Variants in SAE1 observed in about 807,000 individuals in gnomAD.
The protein encoded by SAE1 is SUMO-activating enzyme subunit 1.
SAE1 carries 11 observed loss-of-function variants against 40.6 expected under a neutral mutation model. The observed-to-expected ratio is 0.27, with a 90% CI of 0.17 to 0.45. The LOEUF (loss-of-function observed/expected upper bound fraction) is 0.45. Among genes scored for constraint, SAE1 ranks in the 20% least tolerant of loss-of-function variants. SAE1 has a pLI of 1.00. For synonymous variants in SAE1, 155 were observed against 154.3 expected (o/e 1.00, Z -0.03); for missense variants, 373 against 427.3 (o/e 0.87, Z 1.12).
chr19:47,191,803 C>G (rs1418949040), intron 6 of SAE1, among the ~76,000 whole-genome samples: 2 of 152,016 alleles, frequency 1.3e-5, no homozygotes, highest in East Asian at 3.9e-4. Context: ...CACCTGTAAT[C>G]CCAGCACTTT....
chr19:47,170,253 C>T (rs1341536876), intron 6 of SAE1, among the ~76,000 whole-genome samples: 1 of 151,818 alleles, frequency 6.6e-6, no homozygotes, highest in African/African-American at 2.4e-5. Context: ...TGCTCTGTCA[C>T]CCAGACTGGA....
chr19:47,184,429 A>G (rs2058530645), intron 6 of SAE1, among the ~76,000 whole-genome samples: 1 of 151,992 alleles, frequency 6.6e-6, no homozygotes, highest in African/African-American at 2.4e-5. Context: ...TTTGTTTTTT[A>G]GATGGAGTCT....
At position 47,152,892 on chromosome 19, in the gene SAE1, C is replaced by A. The variant is rs2058296100; in HGVS notation, c.385-6C>A. On this transcript the variant is annotated splice_region_variant and splice_polypyrimidine_tract_variant and intron_variant, in intron 3 of 8. Transcript: ENST00000270225. ...TCAAACCCAGCCAATTTCTTTCTTTCTGCAGGTGTGTCTGACTTGCTGCTC... is the reference window on the plus strand; with the variant it reads ...TCAAACCCAGCCAATTTCTTTCTTTATGCAGGTGTGTCTGACTTGCTGCTC... 3 of 1,611,090 alleles carry A rather than the reference C, an allele frequency of 1.9e-6. No homozygotes were observed.
In SAE1 at chr19:47,130,959, G is replaced by T; in HGVS notation, c.29G>T (p.Gly10Val). Reference protein sequence around the residue: MVEKEEAGGGISEEEAAQYD... With the variant: MVEKEEAGGVISEEEAAQYD... ...GTGGAGAAGGAGGAGGCTGGCGGCG[G>T]CATTAGCGAGGAGGAGGCGGCACAG... Residue 10 changes from glycine to valine, a missense_variant, in exon 1 of 9, where the codon GGC becomes GTC. Around this residue, in one of 3 missense-constraint regions of SAE1, gnomAD observed 18 missense variants for 18.0 expected, o/e 1.00. Coordinates refer to ENST00000270225, the MANE Select transcript of SAE1 (RefSeq NM_005500.3). The T allele has an allele frequency of 6.5e-7, 1 of 1,549,826 alleles. No homozygotes were observed. Among genetic ancestry groups the T allele is most frequent in the Non-Finnish European group, 8.7e-7 (1 of 1,146,456 alleles).
intron 6 of SAE1, among the ~76,000 whole-genome samples, chr19:47,176,621 A>G (rs536636805): frequency 8.5e-5 from 13 of 152,192 alleles, no homozygotes; most frequent in African/African-American, 1.9e-4. Flanking sequence ...TTTGATTCCA[A>G]TGTTGCCCTG....
intron 5 of SAE1, among the ~76,000 whole-genome samples, chr19:47,157,488 G>A (rs1303696574): frequency 6.6e-6 from 1 of 152,220 alleles, no homozygotes; most frequent in Non-Finnish European, 1.5e-5. Flanking sequence ...ATTGAGGCAG[G>A]TCTTTCACAT....
chr19:47,163,984 G>A lies in SAE1; in HGVS notation c.628-5834G>A, dbSNP rs373677651. Among the ~76,000 whole-genome samples the A allele has an allele frequency of 7.8e-4, 119 of 151,974 alleles. No individual in the cohort carries two copies. In the Middle Eastern group the frequency reaches 0.017, roughly 22 times the overall value. On this transcript the variant is annotated intron_variant, in intron 5 of 8. Transcript: ENST00000270225. The stretch of plus-strand genomic sequence containing the variant: ...CGTTTTCACCTTGTTCGCCAGGCTG[G>A]TCTCGAACTCCTGACCTCAGGTGAT...
chr19:47,187,409 T>C (rs1427907671), intron 6 of SAE1, among the ~76,000 whole-genome samples: 4 of 152,244 alleles, frequency 2.6e-5, no homozygotes, highest in Non-Finnish European at 5.9e-5. Context: ...GAGTATTCCA[T>C]GTGTAGCATG....
intron 8 of SAE1, among the ~76,000 whole-genome samples, chr19:47,207,602 G>A (rs1193980714): frequency 6.6e-6 from 1 of 152,006 alleles, no homozygotes; most frequent in Admixed American, 6.6e-5. Flanking sequence ...TTGTTTCGGG[G>A]GCTGACCCTG....
At chr19:47,190,087 C>T (rs925283756) in intron 6 of SAE1, among the ~76,000 whole-genome samples, 2 of 152,270 alleles carry the variant, frequency 1.3e-5, no homozygotes, top group East Asian at 3.9e-4. Flanking sequence ...AGTCCTGAAC[C>T]TAAGCCGAGA....
rs73568418 is a variant in SAE1 at position 47,157,708 on chromosome 19, C to G, written c.627+2495C>G. ...GAGGTTTTTGTGCAGCCTCTTCCTA[C>G]GTGGAGCTGAGCTGGAAGGTATCAA... is the stretch of plus-strand genomic sequence containing the variant. On this transcript the variant is annotated intron_variant, in intron 5 of 8. Transcript: ENST00000270225. Among the ~76,000 whole-genome samples the G allele has an allele frequency of 6.5e-3, 988 of 152,304 alleles. 10 individuals carry two copies. The highest frequency in any genetic ancestry group is 0.057 in the South Asian group (277 of 4,820).
At position 47,150,284 on chromosome 19, in the gene SAE1, G is replaced by A. The variant is rs754571820; in HGVS notation, c.293G>A (p.Arg98Gln). ...AATAGGGCTGAAGCCTCTTTGGAGC[G>A]AGCTCAGAATCTCAACCCCATGGTG... ...GRNRAEASLERAQNLNPMVDV... is the reference protein window; with the variant it reads ...GRNRAEASLEQAQNLNPMVDV... Residue 98 changes from arginine to glutamine, a missense_variant, in exon 3 of 9, where the codon CGA becomes CAA. Transcript: ENST00000270225. 5.0e-6 allele frequency: 8 copies of A among 1,613,578 alleles called. No individual in the cohort carries two copies. Among genetic ancestry groups the A allele is most frequent in the African/African-American group, 1.3e-5 (1 of 74,868 alleles).
rs768781292 is a variant in SAE1 at position 47,150,362 on chromosome 19, C to T, written c.371C>T (p.Thr124Ile). 11 of 1,603,154 alleles carry T rather than the reference C, an allele frequency of 6.9e-6. 1 individual carries two copies. The South Asian group carries it at 1.1e-4, about 16-fold the overall frequency. Residue 124 changes from threonine to isoleucine, a missense_variant, in exon 3 of 9, where the codon ACT becomes ATT. Thr to Ile is a moderately conservative substitution (Grantham distance 89). Coordinates refer to ENST00000270225, the MANE Select transcript of SAE1 (RefSeq NM_005500.3). Reference protein sequence around the residue: ...DIEKKPESFFTQFDAVCLTCC... With the variant: ...DIEKKPESFFIQFDAVCLTCC... ...GAGAAGAAACCAGAGTCATTTTTCA[C>T]TCAATTCGATGCTGTAAGTTTCTTA...
At chr19:47,182,379 G>A (rs1392907944) in intron 6 of SAE1, among the ~76,000 whole-genome samples, 1 of 152,084 alleles carries the variant, frequency 6.6e-6, no homozygotes, top group Non-Finnish European at 1.5e-5. Flanking sequence ...TCCGATAATG[G>A]GGCAGCAGCT....
At chr19:47,141,340 C>T (rs2058220655) in intron 1 of SAE1, among the ~76,000 whole-genome samples, 1 of 151,950 alleles carries the variant, frequency 6.6e-6, no homozygotes, top group Admixed American at 6.6e-5. Context: ...GGGTGTTTCA[C>T]CATGTTGGAC....
chr19:47,182,511 G>A (rs565606277), intron 6 of SAE1, among the ~76,000 whole-genome samples: 34 of 149,444 alleles, frequency 2.3e-4, no homozygotes, highest in African/African-American at 7.5e-4. Context: ...GCACGCACGC[G>A]CGCGCGCACA....
At chr19:47,184,620 A>G (rs945187321) in intron 6 of SAE1, among the ~76,000 whole-genome samples, 5 of 152,016 alleles carry the variant, frequency 3.3e-5, no homozygotes, top group Non-Finnish European at 5.9e-5. Context: ...CACGTTGGCC[A>G]GGCTACTCTT....
intron 8 of SAE1, among the ~76,000 whole-genome samples, chr19:47,204,519 T>C (rs2058675596): frequency 7.1e-6 from 1 of 141,282 alleles, no homozygotes; most frequent in African/African-American, 2.7e-5. Flanking sequence ...CTTTTTTTTT[T>C]TTTTTGAGAC....
chr19:47,174,548 C>T (rs113716296), intron 6 of SAE1, among the ~76,000 whole-genome samples: 2,349 of 147,904 alleles, frequency 0.016, 48 homozygotes, highest in African/African-American at 0.055. Context: ...AGGCATATGT[C>T]ACCACGCCTG....
Sources: allele counts gnomAD v4.1 joint callset (sites outside exome capture counted in the v4.1 genomes callset), GRCh38; gene constraint gnomAD v4.1.1; regional missense constraint gnomAD v4.1.1; transcripts MANE v1.5; gene names NCBI Gene and HGNC (gene_info 2026-07-23, HGNC 2026-07-21).